The following CTNND1 variants were observed in gnomAD, a reference collection of about 807,000 sequenced individuals.
The protein encoded by CTNND1 is catenin delta 1, also known as catenin delta-1.
CTNND1 carries 16 observed loss-of-function variants against 112.1 expected under a neutral mutation model. The ratio of observed to expected loss-of-function variants is 0.14; its 90% CI spans 0.10 to 0.22. The LOEUF (loss-of-function observed/expected upper bound fraction) is 0.22, where lower values mean the gene tolerates loss of function less well. CTNND1 is among the 10% of genes least tolerant of loss of function. The pLI is 1.00. For synonymous variants in CTNND1, 420 were observed against 446.5 expected, an observed-to-expected ratio of 0.94 and a Z score of 0.75; for missense variants, 1,008 against 1,257.0, an observed-to-expected ratio of 0.80 and a Z score of 3.00.
Position 57,805,747 on chromosome 11 carries a change from G to A in CTNND1, c.1723-135G>A, listed in dbSNP as rs150129412. 2.3e-3 allele frequency: 2,317 copies of A among 990,798 alleles called. 7 individuals are homozygous for A. Among genetic ancestry groups the A allele is most frequent in the Non-Finnish European group, 3.1e-3 (2,109 of 687,118 alleles). 61.4% of individuals were successfully genotyped at this position (990,798 alleles called of 1,614,324 possible). On this transcript the variant is annotated intron_variant, in intron 9 of 20. Transcript: ENST00000399050. ...TTCAAGAAGCCTGGAGCACTTAAGA[G>A]GCATCCTGAGAAGTTATGGATTGGG... is the stretch of plus-strand genomic sequence containing the variant.
intron 1 of CTNND1, among the ~76,000 whole-genome samples, chr11:57,766,766 T>C (rs1951174672): frequency 6.6e-6 from 1 of 152,164 alleles, no homozygotes; most frequent in African/African-American, 2.4e-5. Context: ...GTAATTTTTT[T>C]CCCTAATTCT....
intron 5 of CTNND1, 107 bp downstream of exon 5, chr11:57,795,836 T>C (rs1427763594): frequency 5.2e-6 from 6 of 1,158,508 alleles, no homozygotes; most frequent in African/African-American, 1.6e-5. Flanking sequence ...ATGCCATTAT[T>C]GATCTGATTG....
intron 6 of CTNND1, among the ~76,000 whole-genome samples, chr11:57,798,816 C>G (rs572895497): frequency 1.3e-5 from 2 of 152,238 alleles, no homozygotes; most frequent in African/African-American, 4.8e-5. Context: ...GTATGTTGTT[C>G]TTTTTTTCAA....
At chr11:57,775,752 C>G (rs1156464179) in intron 1 of CTNND1, among the ~76,000 whole-genome samples, 1 of 152,030 alleles carries the variant, frequency 6.6e-6, no homozygotes, top group Non-Finnish European at 1.5e-5. Context: ...GGGGGAGGGG[C>G]TGGTTATGTT....
chr11:57,771,146 T>C (rs184773349), intron 1 of CTNND1, among the ~76,000 whole-genome samples: 1 of 152,238 alleles, frequency 6.6e-6, no homozygotes, highest in East Asian at 1.9e-4. Context: ...GTTTTTTTTT[T>C]CTAAAATTTA....
At chr11:57,805,733 TG>T in intron 9 of CTNND1, 148 bp from the exon 10 acceptor site, 1 of 842,756 alleles carries the variant, frequency 1.2e-6, no homozygotes, top group Non-Finnish European at 1.8e-6. Flanking sequence ...TCAAGAAGCC[TG>T]GAGCACTTAA....
intron 1 of CTNND1, among the ~76,000 whole-genome samples, chr11:57,781,962 G>A (rs1309315982): frequency 1.3e-5 from 2 of 152,122 alleles, no homozygotes; most frequent in Admixed American, 6.6e-5. Context: ...GAATACTTGG[G>A]AGGGGAAAAG....
At chr11:57,782,312 A>G (rs192208114) in intron 1 of CTNND1, among the ~76,000 whole-genome samples, 2 of 152,280 alleles carry the variant, frequency 1.3e-5, no homozygotes, top group East Asian at 3.9e-4. Flanking sequence ...CCTGGTGGAC[A>G]CCTAGTTTTT....
At chr11:57,769,106 A>C (rs1190881920) in intron 1 of CTNND1, among the ~76,000 whole-genome samples, 3 of 151,594 alleles carry the variant, frequency 2.0e-5, no homozygotes, top group Non-Finnish European at 2.9e-5. Context: ...CAGGAGTTTG[A>C]GACCAGCCTG....
At chr11:57,765,244 T>C (rs899229640) in intron 1 of CTNND1, among the ~76,000 whole-genome samples, 1 of 152,120 alleles carries the variant, frequency 6.6e-6, no homozygotes, top group Admixed American at 6.6e-5. Flanking sequence ...CTGTCTTATC[T>C]CTGTATCTTT....
Position 57,761,832 on chromosome 11 carries a change from G to A in CTNND1, c.-501G>A. Reference sequence around the variant, plus strand: ...AGTTTGTCACCACCCAGGCTCCCTTGCCTTTGGCTGGGTGCAACTTCCATT... The same window carrying A: ...AGTTTGTCACCACCCAGGCTCCCTTACCTTTGGCTGGGTGCAACTTCCATT... On this transcript the variant is annotated 5_prime_UTR_variant, in exon 1 of 21. Coordinates refer to ENST00000399050, the MANE Select transcript of CTNND1 (RefSeq NM_001085458.2). 5.1e-6 allele frequency: 5 copies of A among 985,222 alleles called. No individual in the cohort carries two copies. Among genetic ancestry groups the A allele is most frequent in the Non-Finnish European group, 6.0e-6 (5 of 829,918 alleles). 61.0% of individuals were successfully genotyped at this position (985,222 alleles called of 1,614,324 possible). A position where few individuals can be genotyped will look rare whatever the true frequency, so the allele number is the denominator to read the frequency against.
chr11:57,783,726 AGTTT>A (rs1319358374), intron 1 of CTNND1, among the ~76,000 whole-genome samples: 4 of 152,148 alleles, frequency 2.6e-5, no homozygotes, highest in African/African-American at 7.2e-5. Context: ...CAAAATGGCA[AGTTT>A]GTTTGTGGTT....
At chr11:57,809,094 C>T (rs142426870) in intron 14 of CTNND1, among the ~76,000 whole-genome samples, 180 bp from the exon 15 acceptor site, 2 of 152,258 alleles carry the variant, frequency 1.3e-5, no homozygotes, top group African/African-American at 4.8e-5. Context: ...ATAGGTAGGA[C>T]AGTAAATCCA....
At chr11:57,785,568 G>A (rs1297383502) in intron 1 of CTNND1, among the ~76,000 whole-genome samples, 2 of 151,860 alleles carry the variant, frequency 1.3e-5, no homozygotes, top group Admixed American at 6.6e-5. Flanking sequence ...GTGTGTGTGG[G>A]GTACTGAGTC....
chr11:57,802,969 G>A (rs1470887772), intron 7 of CTNND1, among the ~76,000 whole-genome samples: 3 of 152,190 alleles, frequency 2.0e-5, no homozygotes, highest in Non-Finnish European at 4.4e-5. Context: ...GTGAGTAAAG[G>A]CCAGGGGTAC....
intron 1 of CTNND1, chr11:57,781,733 GGGGGAGGAGAAGGAGGC>G (rs1003609023): frequency 3.3e-5 from 5 of 152,802 alleles, no homozygotes; most frequent in African/African-American, 4.8e-5. Context: ...CATGGATAAT[GGGGGAGGAGAAGGAGGC>G]GGCCTGGCCT....
intron 3 of CTNND1, among the ~76,000 whole-genome samples, chr11:57,792,805 G>A (rs1053823331): frequency 2.0e-5 from 3 of 150,776 alleles, no homozygotes; most frequent in East Asian, 2.0e-4. Flanking sequence ...CTGGGATTAC[G>A]CGTGAGCTAC....
intron 1 of CTNND1, among the ~76,000 whole-genome samples, chr11:57,777,319 A>G (rs553793096): frequency 6.6e-6 from 1 of 151,822 alleles, no homozygotes; most frequent in South Asian, 2.1e-4. Flanking sequence ...CCCAGGCTGG[A>G]GTGTAGTGGC....
Position 57,791,396 on chromosome 11 carries a change from G to T in CTNND1, c.-83G>T. ...CCCTTTCCCGGTAGTGTGAAGTGAG[G>T]GGGTCTCTCTCCCTCCTTCTCCTTC... On this transcript the variant is annotated 5_prime_UTR_variant, in exon 3 of 21. Coordinates refer to ENST00000399050, the MANE Select transcript of CTNND1 (RefSeq NM_001085458.2). 1 of 1,371,504 alleles carries T rather than the reference G, an allele frequency of 7.3e-7. No individual in the cohort carries two copies. Among genetic ancestry groups the T allele is most frequent in the Non-Finnish European group, 9.5e-7 (1 of 1,056,018 alleles). 85.0% of individuals were successfully genotyped at this position (1,371,504 alleles called of 1,614,324 possible). A position where few individuals can be genotyped will look rare whatever the true frequency, so the allele number is the denominator to read the frequency against.
Sources: allele counts gnomAD v4.1 joint callset (sites outside exome capture counted in the v4.1 genomes callset), GRCh38; gene constraint gnomAD v4.1.1; transcripts MANE v1.5; gene names NCBI Gene and HGNC (gene_info 2026-07-23, HGNC 2026-07-21).